The following SETBP1 variants were observed in gnomAD, a reference collection of about 807,000 sequenced individuals.
The protein encoded by SETBP1 is SET-binding protein.
A neutral mutation model predicts 101.0 loss-of-function variants in SETBP1; 9 were observed. The ratio of observed to expected loss-of-function variants is 0.09; its 90% CI spans 0.05 to 0.16. The LOEUF (loss-of-function observed/expected upper bound fraction) is 0.16, where lower values mean the gene tolerates loss of function less well. Among genes scored for constraint, SETBP1 ranks in the 10% least tolerant of loss-of-function variants. SETBP1 has a pLI of 1.00. For synonymous variants in SETBP1, 818 were observed against 788.5 expected, an observed-to-expected ratio of 1.04 and a Z score of -0.63; for missense variants, 1,858 against 2,033.8, an observed-to-expected ratio of 0.91 and a Z score of 1.66.
intron 2 of SETBP1, among the ~76,000 whole-genome samples, chr18:44,715,739 T>C (rs1314379217): frequency 6.6e-6 from 1 of 152,212 alleles, no homozygotes; most frequent in Non-Finnish European, 1.5e-5. Context: ...CAACAAACTA[T>C]CGTTGCTAAT....
intron 2 of SETBP1, among the ~76,000 whole-genome samples, chr18:44,866,710 T>C (rs1369850745): frequency 6.6e-6 from 1 of 152,222 alleles, no homozygotes; most frequent in Admixed American, 6.5e-5. Flanking sequence ...CAGGTCACTC[T>C]CATGCCCGTA....
intron 2 of SETBP1, among the ~76,000 whole-genome samples, chr18:44,713,248 C>T (rs953976718): frequency 1.5e-4 from 23 of 152,026 alleles, no homozygotes; most frequent in African/African-American, 5.3e-4. Context: ...TGAGCCACCG[C>T]GCCCGGCCTC....
intron 2 of SETBP1, among the ~76,000 whole-genome samples, chr18:44,705,950 T>C (rs928953667): frequency 7.2e-5 from 11 of 152,170 alleles, no homozygotes; most frequent in African/African-American, 2.7e-4. Flanking sequence ...AGAAGTCTCT[T>C]TTCTCTTTCA....
chr18:44,739,855 G>A (rs2070058096), intron 2 of SETBP1, among the ~76,000 whole-genome samples: 1 of 152,210 alleles, frequency 6.6e-6, no homozygotes, highest in Non-Finnish European at 1.5e-5. Flanking sequence ...CTCTCAAGGA[G>A]TTGCAGGATC....
At chr18:44,764,895 AC>A (rs1165254975) in intron 2 of SETBP1, among the ~76,000 whole-genome samples, 1 of 152,182 alleles carries the variant, frequency 6.6e-6, no homozygotes, top group Non-Finnish European at 1.5e-5. Context: ...GAGGGCAGGG[AC>A]TTTGCTCTGC....
At chr18:45,023,560 G>A (rs2073109850) in intron 4 of SETBP1, among the ~76,000 whole-genome samples, 1 of 152,190 alleles carries the variant, frequency 6.6e-6, no homozygotes, top group African/African-American at 2.4e-5. Flanking sequence ...TGAGAATGTA[G>A]CATCAAATTG....
At chr18:44,834,811 T>C (rs1266683869) in intron 2 of SETBP1, among the ~76,000 whole-genome samples, 1 of 152,148 alleles carries the variant, frequency 6.6e-6, no homozygotes, top group African/African-American at 2.4e-5. Context: ...TTGTTCAACA[T>C]AGGCCCACAT....
At position 45,000,768 on chromosome 18, in the gene SETBP1, G is replaced by A. The variant is rs537284330; in HGVS notation, c.4001-37717G>A. ...GCTGCTAAAAATCTGTGTGACTAGA[G>A]CCATACATCAACGGGAATGCACACA... On this transcript the variant is annotated intron_variant, in intron 4 of 5. Transcript: ENST00000649279. 6.8e-5 allele frequency among the ~76,000 whole-genome samples: 10 copies of A among 146,242 alleles called. No individual in the cohort carries two copies. The South Asian group carries it at 2.2e-3, about 32-fold the overall frequency.
chr18:44,710,999 A>G (rs1238835672), intron 2 of SETBP1, among the ~76,000 whole-genome samples: 1 of 151,940 alleles, frequency 6.6e-6, no homozygotes, highest in Non-Finnish European at 1.5e-5. Flanking sequence ...ACATGCAAAC[A>G]CCTTCACTGA....
chr18:44,982,694 AT>A (rs1184205174), intron 4 of SETBP1, among the ~76,000 whole-genome samples: 11 of 152,116 alleles, frequency 7.2e-5, no homozygotes, highest in Non-Finnish European at 1.6e-4. Flanking sequence ...CTCTTATTTT[AT>A]TTCTGTTCCC....
At position 44,978,854 on chromosome 18, in the gene SETBP1, GA is replaced by G. The variant is rs373846629; in HGVS notation, c.4000+25522del. Among the ~76,000 whole-genome samples, 537 of 151,936 alleles carry G rather than the reference GA, an allele frequency of 3.5e-3. 1 individual carries two copies. The highest frequency in any genetic ancestry group is 0.012 in the African/African-American group (485 of 41,460). ...ACAGGACGTGATGCCATTTTACATT[GA>G]AAAAAAATATTTAATGATCCCGGAT... On this transcript the variant is annotated intron_variant, in intron 4 of 5. Transcript: ENST00000649279.
intron 2 of SETBP1, among the ~76,000 whole-genome samples, chr18:44,709,606 C>G (rs191999510): frequency 5.6e-4 from 85 of 152,284 alleles, no homozygotes; most frequent in African/African-American, 1.9e-3. Flanking sequence ...GTATGTCCTG[C>G]TCTCATTGCT....
chr18:45,025,429 G>A (rs1416035670), intron 4 of SETBP1, among the ~76,000 whole-genome samples: 1 of 152,148 alleles, frequency 6.6e-6, no homozygotes, highest in African/African-American at 2.4e-5. Flanking sequence ...CATCATCATG[G>A]TATTAGCTTG....
intron 4 of SETBP1, among the ~76,000 whole-genome samples, chr18:45,006,985 G>A (rs1454676618): frequency 6.6e-6 from 1 of 152,174 alleles, no homozygotes; most frequent in Non-Finnish European, 1.5e-5. Flanking sequence ...ATCTCCCATG[G>A]AGCTGTAGAG....
chr18:44,734,346 A>C (rs1014822093), intron 2 of SETBP1, among the ~76,000 whole-genome samples: 10 of 152,190 alleles, frequency 6.6e-5, no homozygotes, highest in Non-Finnish European at 1.0e-4. Flanking sequence ...TGAAGACTGC[A>C]TGTGTGTCCT....
intron 2 of SETBP1, among the ~76,000 whole-genome samples, chr18:44,812,059 G>A (rs1034915028): frequency 2.6e-5 from 4 of 152,176 alleles, no homozygotes; most frequent in East Asian, 1.9e-4. Context: ...CCCAGGGCTT[G>A]TAGAATTAGG....
chr18:44,972,375 A>G (rs1383581654), intron 4 of SETBP1, among the ~76,000 whole-genome samples: 1 of 152,160 alleles, frequency 6.6e-6, no homozygotes, highest in African/African-American at 2.4e-5. Flanking sequence ...TTTTGGTTGC[A>G]TATGAACTTT....
rs116125002 is a variant in SETBP1 at position 44,998,673 on chromosome 18, G to A, written c.4001-39812G>A. Among the ~76,000 whole-genome samples the A allele has an allele frequency of 2.5e-3, 376 of 152,304 alleles. 4 individuals carry two copies. Among genetic ancestry groups the A allele is most frequent in the African/African-American group, 8.5e-3 (351 of 41,536 alleles). ...ATGTGTCTTCTGCCCTCCTGTCTGT[G>A]CTGTGGAGCAGTCTGAAGTTAAGCA... On this transcript the variant is annotated intron_variant, in intron 4 of 5. Coordinates refer to ENST00000649279, the MANE Select transcript of SETBP1 (RefSeq NM_015559.3).
At chr18:44,855,260 G>GT (rs1395881614) in intron 2 of SETBP1, among the ~76,000 whole-genome samples, 18 of 149,660 alleles carry the variant, frequency 1.2e-4, no homozygotes, top group Non-Finnish European at 1.8e-4. Flanking sequence ...AGGACTTTGG[G>GT]TTTTTTTTTG....
Sources: allele counts gnomAD v4.1 joint callset (sites outside exome capture counted in the v4.1 genomes callset), GRCh38; gene constraint gnomAD v4.1.1; transcripts MANE v1.5; gene names NCBI Gene and HGNC (gene_info 2026-07-23, HGNC 2026-07-21).